The following CRYBG1 variants were observed in gnomAD, a reference collection of about 807,000 sequenced individuals.
CRYBG1 encodes the protein beta/gamma crystallin domain-containing protein 1.
In CRYBG1, 139 loss-of-function variants were observed where a neutral mutation model predicts 189.2. That is an observed-to-expected ratio of 0.73 (90% CI 0.64 to 0.85). The LOEUF is 0.85. CRYBG1 is among the 40% of genes least tolerant of loss of function. The probability of loss-of-function intolerance (pLI) is 0.00; values close to 1 mark genes in which losing one functional copy is unlikely to be tolerated. For synonymous variants in CRYBG1, 1,023 were observed against 1,017.1 expected, an observed-to-expected ratio of 1.01 and a Z score of -0.11; for missense variants, 2,611 against 2,675.8, an observed-to-expected ratio of 0.98 and a Z score of 0.53.
intron 2 of CRYBG1, among the ~76,000 whole-genome samples, chr6:106,469,098 C>T: frequency 6.6e-6 from 1 of 152,220 alleles, no homozygotes. Flanking sequence ...CCCCACCACT[C>T]ACCCCTCACT....
intron 2 of CRYBG1, among the ~76,000 whole-genome samples, chr6:106,480,219 C>T (rs376197363): frequency 6.6e-6 from 1 of 151,998 alleles, no homozygotes; most frequent in African/African-American, 2.4e-5. Context: ...AAGCCCAGTG[C>T]TATGTGGTTC....
In CRYBG1 at chr6:106,519,626, T is replaced by G. The variant is rs1168553333; in HGVS notation, c.2418T>G (p.Pro806=). 1.2e-6 allele frequency: 2 copies of G among 1,614,240 alleles called. No homozygotes were observed. Among genetic ancestry groups the G allele is most frequent in the Non-Finnish European group, 1.7e-6 (2 of 1,180,024 alleles). ...AACCAGTGGCTTCTGCTCTGATTCC[T>G]GTCAAGGATCATAAGCTCTTAGAGA... is the stretch of plus-strand genomic sequence containing the variant. ...LSEPVASALI[P]VKDHKLLEKE... The change falls in exon 4 of 22, where the codon CCT becomes CCG. Residue 806 remains proline (P), a synonymous_variant. Transcript: ENST00000633556.
rs371093854 is a variant in CRYBG1 at position 106,453,470 on chromosome 6, A to G, written c.312+1638A>G. ...ATACTTACTTTCAAGTTGGTTTCAC[A>G]TTTTATTCTTTTCTCTTTATAAGAA... On this transcript the variant is annotated intron_variant, in intron 2 of 21. Coordinates refer to ENST00000633556, the MANE Select transcript of CRYBG1 (RefSeq NM_001371242.2). 1.6e-4 allele frequency among the ~76,000 whole-genome samples: 24 copies of G among 152,326 alleles called. No individual in the cohort carries two copies. The South Asian group carries it at 4.8e-3, about 30-fold the overall frequency.
At chr6:106,517,417 T>TATACACAC (rs1773460806) in intron 3 of CRYBG1, among the ~76,000 whole-genome samples, 1 of 132,516 alleles carries the variant, frequency 7.5e-6, no homozygotes, top group Non-Finnish European at 1.6e-5. Context: ...CACACATATA[T>TATACACAC]ACACATATAT....
At chr6:106,551,103 T>A (rs572233038) in intron 13 of CRYBG1, among the ~76,000 whole-genome samples, 1 of 152,146 alleles carries the variant, frequency 6.6e-6, no homozygotes, top group African/African-American at 2.4e-5. Flanking sequence ...GAGCATAGCA[T>A]GCAACAGGTA....
chr6:106,401,246 A>G (rs1004222942), intron 1 of CRYBG1, among the ~76,000 whole-genome samples: 9 of 152,178 alleles, frequency 5.9e-5, no homozygotes, highest in African/African-American at 2.2e-4. Flanking sequence ...TTAAGTAAGG[A>G]CTGGTGAATG....
chr6:106,442,920 C>CAATG (rs1458274484), intron 1 of CRYBG1, among the ~76,000 whole-genome samples: 2 of 152,190 alleles, frequency 1.3e-5, no homozygotes, highest in Admixed American at 6.5e-5. Context: ...GAATACCAGA[C>CAATG]AATGAAGTTA....
chr6:106,509,163 T>C (rs1027535182), intron 2 of CRYBG1, among the ~76,000 whole-genome samples: 1 of 152,196 alleles, frequency 6.6e-6, no homozygotes, highest in African/African-American at 2.4e-5. Context: ...CACAGAGCTC[T>C]ATGTCAGAGT....
intron 1 of CRYBG1, among the ~76,000 whole-genome samples, chr6:106,367,005 T>C (rs563651261): frequency 6.6e-6 from 1 of 152,352 alleles, no homozygotes; most frequent in South Asian, 2.1e-4. Flanking sequence ...TCATGCGCTC[T>C]CAGTGCCTTA....
intron 9 of CRYBG1, among the ~76,000 whole-genome samples, chr6:106,540,117 A>T (rs971162065): frequency 5.3e-5 from 8 of 151,904 alleles, no homozygotes; most frequent in Admixed American, 5.2e-4. Context: ...TGTCCTCCTG[A>T]GTATCTGCTG....
intron 2 of CRYBG1, among the ~76,000 whole-genome samples, chr6:106,493,029 A>T (rs1025850313): frequency 6.0e-5 from 9 of 150,854 alleles, no homozygotes; most frequent in African/African-American, 9.8e-5. Context: ...TTATCCTTTT[A>T]CATAGACTTA....
chr6:106,438,821 A>C (rs1771516287), intron 1 of CRYBG1, among the ~76,000 whole-genome samples: 1 of 152,188 alleles, frequency 6.6e-6, no homozygotes, highest in Non-Finnish European at 1.5e-5. Context: ...TTCAAAAATA[A>C]ATGAGTTAAT....
chr6:106,512,297 G>A lies in CRYBG1; in HGVS notation c.1180G>A (p.Val394Ile). ...KTEGAQVDEP[V>I]VITPRAEDCG... is the part of the protein sequence containing the mutation. ...TGAGGGGGCACAAGTGGACGAGCCG[G>A]TCGTGATTACTCCCAGAGCGGAAGA... Residue 394 changes from valine to isoleucine, a missense_variant, in exon 3 of 22, where the codon GTC (valine) becomes ATC (isoleucine). Val to Ile is a conservative substitution (Grantham distance 29). Coordinates refer to ENST00000633556, the MANE Select transcript of CRYBG1 (RefSeq NM_001371242.2). The A allele has an allele frequency of 1.9e-6, 3 of 1,590,886 alleles. No homozygotes were observed. The highest frequency in any genetic ancestry group is 1.1e-5 in the South Asian group (1 of 87,794).
chr6:106,380,577 A>G (rs969208342), intron 1 of CRYBG1, among the ~76,000 whole-genome samples: 2 of 152,244 alleles, frequency 1.3e-5, no homozygotes, highest in Admixed American at 1.3e-4. Flanking sequence ...CAGAAAGAAG[A>G]TGAGTAATCA....
chr6:106,365,461 A>AAC (rs1173575312), intron 1 of CRYBG1, among the ~76,000 whole-genome samples: 1 of 150,366 alleles, frequency 6.7e-6, no homozygotes, highest in African/African-American at 2.4e-5. Context: ...CAAAAAAAAA[A>AAC]AAACATAAAT....
At position 106,569,458 on chromosome 6, in the gene CRYBG1, A is replaced by G. The variant is rs1362690078; in HGVS notation, c.*892A>G. 1.3e-5 allele frequency: 2 copies of G among 152,054 alleles called. No homozygotes were observed. The highest frequency in any genetic ancestry group is 4.8e-5 in the African/African-American group (2 of 41,386). The allele number at this position is 152,054 out of a possible 1,614,324, so 9.4% of individuals were successfully genotyped here. A position where few individuals can be genotyped will look rare whatever the true frequency, so the allele number is the denominator to read the frequency against. On this transcript the variant is annotated 3_prime_UTR_variant, in exon 22 of 22. Transcript: ENST00000633556. Reference sequence around the variant, plus strand: ...GGCTGATCTCGAACCTCTGGGCTCAAGCAATTCACTCGCCTCGGCCTCCCA... The same window carrying G: ...GGCTGATCTCGAACCTCTGGGCTCAGGCAATTCACTCGCCTCGGCCTCCCA...
intron 2 of CRYBG1, among the ~76,000 whole-genome samples, chr6:106,460,159 T>C (rs1344830863): frequency 2.0e-5 from 3 of 151,402 alleles, no homozygotes; most frequent in African/African-American, 7.3e-5. Flanking sequence ...GCTAATTTTT[T>C]TTTTTGTATT....
Position 106,551,989 on chromosome 6 carries a change from A to T in CRYBG1, c.5439+11A>T, listed in dbSNP as rs990909015. 3.8e-6 allele frequency: 6 copies of T among 1,589,014 alleles called. No homozygotes were observed. In the East Asian group the frequency reaches 1.3e-4, roughly 36 times the overall value. ...CAACCTATATGTTTGGTAAGGAGTTATATTTTTGTATGAGAATATTTAACT... is the reference window on the plus strand; with the variant it reads ...CAACCTATATGTTTGGTAAGGAGTTTTATTTTTGTATGAGAATATTTAACT... On this transcript the variant is annotated intron_variant, in intron 14 of 21. Transcript: ENST00000633556.
intron 2 of CRYBG1, among the ~76,000 whole-genome samples, chr6:106,504,029 G>GAAAAAAA (rs33971164): frequency 1.0e-4 from 9 of 88,536 alleles, no homozygotes; most frequent in African/African-American, 1.2e-4. Context: ...GACAGCATTA[G>GAAAAAAA]AAAAAAAAAA....
Sources: allele counts gnomAD v4.1 joint callset (sites outside exome capture counted in the v4.1 genomes callset), GRCh38; gene constraint gnomAD v4.1.1; transcripts MANE v1.5; gene names NCBI Gene and HGNC (gene_info 2026-07-23, HGNC 2026-07-21).